PKN2: variants seen among roughly 807,000 people sequenced by gnomAD.
PKN2 encodes protein kinase N2.
Under a neutral mutation model 119.1 loss-of-function variants are expected in PKN2, and 38 were observed. That is an observed-to-expected ratio of 0.32 (90% CI 0.25 to 0.42). The LOEUF is 0.42. PKN2 is among the 10% of genes least tolerant of loss of function. PKN2 has a pLI of 1.00. For synonymous variants in PKN2, 390 were observed against 384.9 expected (o/e 1.01, Z -0.15); for missense variants, 850 against 1,165.1 (o/e 0.73, Z 3.94).
chr1:88,810,272 C>T (rs1486500967), intron 15 of PKN2, among the ~76,000 whole-genome samples: 1 of 151,852 alleles, frequency 6.6e-6, no homozygotes, highest in Admixed American at 6.6e-5. Context: ...AGGCTTGCAC[C>T]ACCATGCCCT....
At chr1:88,692,513 A>G (rs1212971163) in intron 1 of PKN2, among the ~76,000 whole-genome samples, 2 of 152,188 alleles carry the variant, frequency 1.3e-5, no homozygotes. Flanking sequence ...TTGGTTATCC[A>G]TCCTCTCCAA....
At chr1:88,781,424 G>A (rs1355785981) in intron 6 of PKN2, among the ~76,000 whole-genome samples, 1 of 151,942 alleles carries the variant, frequency 6.6e-6, no homozygotes, top group Admixed American at 6.6e-5. Context: ...AGTGAAATAG[G>A]TATAAAATAG....
intron 15 of PKN2, among the ~76,000 whole-genome samples, chr1:88,812,085 G>C (rs561695377): frequency 1.3e-5 from 2 of 152,160 alleles, no homozygotes; most frequent in South Asian, 4.2e-4. Context: ...GGACTTTTAG[G>C]GACAATACAC....
chr1:88,813,342 A>G (rs1311111659), intron 15 of PKN2, among the ~76,000 whole-genome samples: 1 of 152,210 alleles, frequency 6.6e-6, no homozygotes, highest in East Asian at 1.9e-4. Flanking sequence ...GAATGCTATA[A>G]TCTTTTAAAG....
intron 19 of PKN2, chr1:88,829,133 C>T (rs779410888): frequency 2.0e-5 from 15 of 736,724 alleles, no homozygotes; most frequent in Non-Finnish European, 3.9e-5. Context: ...CCTATGGTAG[C>T]TGTGAAGGCC....
chr1:88,813,234 A>G (rs1362856228), intron 15 of PKN2, among the ~76,000 whole-genome samples: 1 of 152,196 alleles, frequency 6.6e-6, no homozygotes, highest in African/African-American at 2.4e-5. Context: ...AAATTCTCTG[A>G]CCAATTCCTG....
intron 2 of PKN2, among the ~76,000 whole-genome samples, chr1:88,748,262 C>T (rs1668850395): frequency 6.6e-6 from 1 of 152,188 alleles, no homozygotes; most frequent in Admixed American, 6.5e-5. Flanking sequence ...CACCCTTCTT[C>T]ACCTCTATAT....
rs368860135 is a variant in PKN2, at chr1:88,805,587, C to A, written c.1592C>A (p.Ser531Tyr). The A allele has an allele frequency of 2.5e-6, 4 of 1,613,952 alleles. No individual in the cohort carries two copies. In the African/African-American group the frequency reaches 5.3e-5, roughly 22 times the overall value. The stretch of plus-strand genomic sequence containing the variant: ...AGAGCTATTCCTACAGTAAATCATT[C>A]TGGCACCTTCAGCCCTCAAGCTCCT... ...VRRAIPTVNH[S>Y]GTFSPQAPVP... The change falls in exon 11 of 22, where the codon TCT (serine) becomes TAT (tyrosine). Residue 531 changes from serine (S) to tyrosine (Y), a missense_variant. Transcript: ENST00000370521.
At chr1:88,807,056 C>T (rs1012784903) in intron 12 of PKN2, among the ~76,000 whole-genome samples, 2 of 152,010 alleles carry the variant, frequency 1.3e-5, no homozygotes, top group Middle Eastern at 3.4e-3. Context: ...AATATAAAAG[C>T]GATGGCTCCA....
intron 2 of PKN2, 98 bp downstream of exon 2, chr1:88,741,386 C>A: frequency 1.3e-6 from 1 of 775,156 alleles, no homozygotes; most frequent in Non-Finnish European, 1.9e-6. Context: ...TAGTTTTTAG[C>A]TTTTCTGAAA....
chr1:88,729,209 T>G (rs552766672), intron 1 of PKN2, among the ~76,000 whole-genome samples: 7 of 152,116 alleles, frequency 4.6e-5, no homozygotes, highest in South Asian at 2.1e-4. Context: ...TTCCGTCTTT[T>G]AAATTAAATT....
intron 1 of PKN2, among the ~76,000 whole-genome samples, chr1:88,730,862 G>A (rs970762576): frequency 6.6e-6 from 1 of 152,204 alleles, no homozygotes; most frequent in Non-Finnish European, 1.5e-5. Flanking sequence ...TGAGGAAATC[G>A]AAGCTTTAGC....
chr1:88,820,798 TAAA>T (rs1672250504), intron 16 of PKN2, among the ~76,000 whole-genome samples: 1 of 152,192 alleles, frequency 6.6e-6, no homozygotes, highest in Non-Finnish European at 1.5e-5. Flanking sequence ...CTTTTATAAT[TAAA>T]AACTAATTAT....
At chr1:88,813,883 A>G (rs184890969) in intron 16 of PKN2, 150 bp downstream of exon 16, 1 of 597,854 alleles carries the variant, frequency 1.7e-6, no homozygotes, top group Non-Finnish European at 2.7e-6. Context: ...CTTTTTTGCC[A>G]TATACTTTTT....
At chr1:88,763,402 G>A (rs1419487912) in intron 3 of PKN2, among the ~76,000 whole-genome samples, 1 of 152,152 alleles carries the variant, frequency 6.6e-6, no homozygotes, top group Non-Finnish European at 1.5e-5. Flanking sequence ...GAGGTCGGGA[G>A]TTAGAGACCA....
At chr1:88,714,806 T>C (rs1667379282) in intron 1 of PKN2, among the ~76,000 whole-genome samples, 1 of 152,224 alleles carries the variant, frequency 6.6e-6, no homozygotes, top group African/African-American at 2.4e-5. Flanking sequence ...CTTCCAATGC[T>C]GTGTTGAACA....
In PKN2 at chr1:88,699,700, A is replaced by C. The variant is rs115808121; in HGVS notation, c.48+15072A>C. ...GTATTTGGTTTTTTGTTCTTGCTTT[A>C]GTTTGCTGAGAATAATGGCTTACAG... On this transcript the variant is annotated intron_variant, in intron 1 of 21. Coordinates refer to ENST00000370521, the MANE Select transcript of PKN2 (RefSeq NM_006256.4). Among the ~76,000 whole-genome samples, 730 of 152,178 alleles carry C rather than the reference A, an allele frequency of 4.8e-3. 3 individuals carry two copies. Among genetic ancestry groups the C allele is most frequent in the African/African-American group, 0.017 (686 of 41,500 alleles).
chr1:88,794,688 C>T (rs1171094538), intron 8 of PKN2, among the ~76,000 whole-genome samples: 5 of 152,134 alleles, frequency 3.3e-5, no homozygotes, highest in African/African-American at 4.8e-5. Flanking sequence ...TGTTTTTCTT[C>T]TAGCTGTTTT....
chr1:88,807,430 C>T lies in PKN2; in HGVS notation c.1921C>T (p.Leu641Phe), dbSNP rs1557625591. 6.2e-7 allele frequency: 1 copy of T among 1,610,322 alleles called. No homozygotes were observed. The highest frequency in any genetic ancestry group is 8.5e-7 in the Non-Finnish European group (1 of 1,178,598). ...CCTAGAATATAGTGGTATTCAAGAACTTGAGGACAGAAGGTAAAGAATATA... is the reference window on the plus strand; with the variant it reads ...CCTAGAATATAGTGGTATTCAAGAATTTGAGGACAGAAGGTAAAGAATATA... ...SGLEYSGIQELEDRRSQQRFQ... is the reference protein window; with the variant it reads ...SGLEYSGIQEFEDRRSQQRFQ... The change falls in exon 13 of 22, where the codon CTT becomes TTT. Residue 641 changes from leucine (L) to phenylalanine (F), a missense_variant. Transcript: ENST00000370521.
Sources: allele counts gnomAD v4.1 joint callset (sites outside exome capture counted in the v4.1 genomes callset), GRCh38; gene constraint gnomAD v4.1.1; transcripts MANE v1.5; gene names NCBI Gene and HGNC (gene_info 2026-07-23, HGNC 2026-07-21).